APBA2: variants seen among roughly 807,000 people sequenced by gnomAD.
The protein encoded by APBA2 is amyloid beta precursor protein binding family A member 2.
A neutral mutation model predicts 75.0 loss-of-function variants in APBA2; 30 were observed. The ratio of observed to expected loss-of-function variants is 0.40; its 90% CI spans 0.30 to 0.54. APBA2 has a LOEUF of 0.54. APBA2 is among the 20% of genes least tolerant of loss of function. APBA2 has a pLI of 0.49. For synonymous variants in APBA2, 444 were observed against 409.6 expected (o/e 1.08, Z -1.01); for missense variants, 801 against 1,016.1 (o/e 0.79, Z 2.88).
At chr15:28,999,504 C>T (rs998899353) in intron 3 of APBA2, among the ~76,000 whole-genome samples, 1 of 152,158 alleles carries the variant, frequency 6.6e-6, no homozygotes, top group Admixed American at 6.5e-5. Flanking sequence ...CCTGGGAGAC[C>T]ATGAGATGTT....
At chr15:29,021,700 A>T (rs2039965514) in intron 3 of APBA2, among the ~76,000 whole-genome samples, 1 of 152,082 alleles carries the variant, frequency 6.6e-6, no homozygotes, top group African/African-American at 2.4e-5. Flanking sequence ...ACTGTACAAT[A>T]CAGTGTTGTT....
intron 10 of APBA2, 157 bp downstream of exon 10, chr15:29,101,941 T>G (rs899058690): frequency 3.9e-6 from 3 of 766,210 alleles, no homozygotes; most frequent in Non-Finnish European, 4.5e-6. Flanking sequence ...CTCTTTGGGT[T>G]TGCAAAGATA....
In APBA2 at chr15:29,093,056, A is replaced by G; in HGVS notation, c.1070-19A>G. 6.2e-7 allele frequency: 1 copy of G among 1,613,716 alleles called. No homozygotes were observed. Among genetic ancestry groups the G allele is most frequent in the Non-Finnish European group, 8.5e-7 (1 of 1,179,944 alleles). ...GGACTTCTCCTCTAGGAAGACTCTGACTCTGTGCCCTCCTTCAGTTCCAGG... is the reference window on the plus strand; with the variant it reads ...GGACTTCTCCTCTAGGAAGACTCTGGCTCTGTGCCCTCCTTCAGTTCCAGG... On this transcript the variant is annotated intron_variant, in intron 6 of 14. Transcript: ENST00000683413.
chr15:29,019,960 A>G (rs1420917004), intron 3 of APBA2, among the ~76,000 whole-genome samples: 2 of 152,254 alleles, frequency 1.3e-5, no homozygotes, highest in Non-Finnish European at 2.9e-5. Context: ...TCCCGACATT[A>G]TAACTTTGCA....
chr15:28,975,278 A>G (rs993965018), intron 2 of APBA2, among the ~76,000 whole-genome samples: 1 of 152,216 alleles, frequency 6.6e-6, no homozygotes, highest in African/African-American at 2.4e-5. Context: ...TCTTCAAAGA[A>G]CAGATATCTC....
intron 1 of APBA2, among the ~76,000 whole-genome samples, chr15:28,896,515 A>G (rs991371771): frequency 3.9e-5 from 6 of 152,172 alleles, no homozygotes; most frequent in African/African-American, 1.2e-4. Flanking sequence ...TGCTGACCTC[A>G]TGATTCGCCC....
At chr15:28,934,554 G>T (rs2152692991) in intron 2 of APBA2, among the ~76,000 whole-genome samples, 1 of 152,336 alleles carries the variant, frequency 6.6e-6, no homozygotes, top group South Asian at 2.1e-4. Context: ...TGTGTGGGAA[G>T]GCGGGAAACC....
chr15:29,002,857 G>T (rs2038920053), intron 3 of APBA2, among the ~76,000 whole-genome samples: 1 of 152,238 alleles, frequency 6.6e-6, no homozygotes, highest in East Asian at 1.9e-4. Context: ...GGGGAGGGCG[G>T]ACTCATCAGT....
chr15:29,087,768 G>T (rs1321585840), intron 6 of APBA2, among the ~76,000 whole-genome samples: 6 of 152,142 alleles, frequency 3.9e-5, no homozygotes, highest in Admixed American at 2.6e-4. Flanking sequence ...GGGCACTTCA[G>T]GGGGCAGGCT....
At chr15:29,004,804 C>T (rs1022267654) in intron 3 of APBA2, among the ~76,000 whole-genome samples, 11 of 152,116 alleles carry the variant, frequency 7.2e-5, no homozygotes, top group Admixed American at 3.9e-4. Context: ...CTCAGCCTCC[C>T]GAGTAGCTGG....
chr15:28,903,521 C>T (rs559550469), intron 1 of APBA2, among the ~76,000 whole-genome samples: 4 of 152,308 alleles, frequency 2.6e-5, no homozygotes, highest in East Asian at 3.9e-4. Flanking sequence ...TAAGCGTCAG[C>T]GCCTGTATTT....
chr15:28,890,567 C>G (rs1194307984), intron 1 of APBA2, among the ~76,000 whole-genome samples: 1 of 152,150 alleles, frequency 6.6e-6, no homozygotes, highest in Admixed American at 6.5e-5. Context: ...GTGTCCTGGC[C>G]TAGTTGGAGG....
chr15:29,050,738 A>G (rs917227045), intron 3 of APBA2, among the ~76,000 whole-genome samples: 1 of 152,188 alleles, frequency 6.6e-6, no homozygotes, highest in Admixed American at 6.5e-5. Context: ...ATACATATTT[A>G]TATGTGCATA....
rs753188362 is a variant in APBA2, at chr15:29,053,970, C to T, written c.86C>T (p.Pro29Leu). The T allele has an allele frequency of 2.5e-6, 4 of 1,613,888 alleles. No homozygotes were observed. In the African/African-American group the frequency reaches 4.0e-5, roughly 16 times the overall value. ...RPGPVPHSQEPESEDMELPLE... is the reference protein window; with the variant it reads ...RPGPVPHSQELESEDMELPLE... Reference sequence around the variant, plus strand: ...GGTCCTGTCCCTCACAGCCAGGAGCCCGAGAGCGAGGACATGGAGCTGCCC... The same window carrying T: ...GGTCCTGTCCCTCACAGCCAGGAGCTCGAGAGCGAGGACATGGAGCTGCCC... The change falls in exon 4 of 15, where the codon CCC (proline) becomes CTC (leucine). Residue 29 changes from proline to leucine, a missense_variant. By Grantham distance (98) the Pro-to-Leu change is moderately conservative (BLOSUM62 -3). Transcript: ENST00000683413.
intron 2 of APBA2, among the ~76,000 whole-genome samples, chr15:28,985,681 C>G (rs1214781116): frequency 1.3e-5 from 2 of 152,184 alleles, no homozygotes; most frequent in African/African-American, 4.8e-5. Context: ...TTCAGTAGTT[C>G]CACAGCGGAT....
chr15:28,957,981 C>T (rs781475798), intron 2 of APBA2, among the ~76,000 whole-genome samples: 19 of 152,146 alleles, frequency 1.2e-4, no homozygotes, highest in Admixed American at 5.9e-4. Context: ...TCAGAGGAGC[C>T]GAGACAGGCG....
rs544295526 is a variant in APBA2 at position 29,087,489 on chromosome 15, A to C, written c.1070-5586A>C. ...AACCCCCAAATCCCTTTTATCAGTG[A>C]CAAAGCCTGTGCTGCAGGCCCAGGT... On this transcript the variant is annotated intron_variant, in intron 6 of 14. Transcript: ENST00000683413. Among the ~76,000 whole-genome samples the C allele has an allele frequency of 2.6e-5, 4 of 152,298 alleles. No individual in the cohort carries two copies. The South Asian group carries it at 8.3e-4, about 32-fold the overall frequency.
chr15:28,977,813 A>G (rs923931374), intron 2 of APBA2, among the ~76,000 whole-genome samples: 1 of 152,170 alleles, frequency 6.6e-6, no homozygotes, highest in East Asian at 1.9e-4. Flanking sequence ...AGGTTCTCAC[A>G]GGAGTGAGAA....
chr15:29,004,743 G>A (rs997593944), intron 3 of APBA2, among the ~76,000 whole-genome samples: 2 of 152,034 alleles, frequency 1.3e-5, no homozygotes, highest in Non-Finnish European at 2.9e-5. Context: ...GCAGTGGCAC[G>A]ATCTCTGCTC....
Sources: allele counts gnomAD v4.1 joint callset (sites outside exome capture counted in the v4.1 genomes callset), GRCh38; gene constraint gnomAD v4.1.1; transcripts MANE v1.5; gene names NCBI Gene and HGNC (gene_info 2026-07-23, HGNC 2026-07-21).